Variants in AHR observed in about 807,000 individuals in gnomAD.
The protein encoded by AHR is AH-receptor.
Under a neutral mutation model 86.8 loss-of-function variants are expected in AHR, and 40 were observed. The observed-to-expected ratio is 0.46, with a 90% CI of 0.36 to 0.60. The LOEUF is 0.60. AHR is among the 20% of genes least tolerant of loss of function. The pLI is 0.00. For missense variants in AHR, 1,001 were observed against 1,011.6 expected (o/e 0.99, Z 0.14); for synonymous variants, 398 against 354.9 (o/e 1.12, Z -1.37).
At chr7:17,325,433 A>G (rs576563204) in intron 3 of AHR, among the ~76,000 whole-genome samples, 5 of 152,340 alleles carry the variant, frequency 3.3e-5, no homozygotes, top group African/African-American at 9.6e-5. Flanking sequence ...AATCTTCCCT[A>G]GAAGCAGATA....
At chr7:17,325,833 A>G (rs1050311119) in intron 3 of AHR, among the ~76,000 whole-genome samples, 4 of 152,196 alleles carry the variant, frequency 2.6e-5, no homozygotes, top group Non-Finnish European at 5.9e-5. Flanking sequence ...ATCAGGAAAA[A>G]TAACTGATAA....
At chr7:17,311,593 T>G (rs1782064871) in intron 2 of AHR, among the ~76,000 whole-genome samples, 1 of 152,200 alleles carries the variant, frequency 6.6e-6, no homozygotes, top group Admixed American at 6.5e-5. Context: ...CTATTTAGTT[T>G]AACAGTTGTG....
chr7:17,340,454 C>G (rs550821459), intron 10 of AHR, among the ~76,000 whole-genome samples: 8 of 151,474 alleles, frequency 5.3e-5, no homozygotes, highest in African/African-American at 1.9e-4. Flanking sequence ...AGAAAGATAT[C>G]AAGGAATGAA....
chr7:17,324,483 A>G (rs1782206890), intron 3 of AHR, among the ~76,000 whole-genome samples: 1 of 152,204 alleles, frequency 6.6e-6, no homozygotes, highest in African/African-American at 2.4e-5. Context: ...TGCTTAACAA[A>G]GGCATATGAA....
intron 1 of AHR, among the ~76,000 whole-genome samples, chr7:17,299,888 G>A (rs1781937278): frequency 6.6e-6 from 1 of 152,212 alleles, no homozygotes; most frequent in Non-Finnish European, 1.5e-5. Flanking sequence ...CAGCAATTTT[G>A]TAGCGCTCAT....
rs1330884879 is a variant in AHR at position 17,298,941 on chromosome 7, C to T, written c.-324C>T. On this transcript the variant is annotated 5_prime_UTR_variant, in exon 1 of 11. Transcript: ENST00000242057. ...GGCCCAGGCTCCTCCTCCGCCCGGGCCGCCTCACCTGCGGGCATTGCCGCG... is the reference window on the plus strand; with the variant it reads ...GGCCCAGGCTCCTCCTCCGCCCGGGTCGCCTCACCTGCGGGCATTGCCGCG... The T allele has an allele frequency of 1.4e-5, 6 of 434,434 alleles. No homozygotes were observed. Among genetic ancestry groups the T allele is most frequent in the Non-Finnish European group, 2.4e-5 (6 of 249,334 alleles). The allele number at this position is 434,434 out of a possible 1,614,324, so 26.9% of individuals were successfully genotyped here. A position where few individuals can be genotyped will look rare whatever the true frequency, so the allele number is the denominator to read the frequency against.
chr7:17,313,597 A>C (rs112667593), intron 2 of AHR, among the ~76,000 whole-genome samples: 6 of 152,316 alleles, frequency 3.9e-5, no homozygotes, highest in African/African-American at 1.2e-4. Flanking sequence ...AAGCAACACT[A>C]TAAAGTTTTA....
intron 9 of AHR, among the ~76,000 whole-genome samples, chr7:17,338,417 ACAAATGTGGCT>A (rs1327779546): frequency 1.6e-4 from 25 of 152,260 alleles, no homozygotes; most frequent in Middle Eastern, 3.4e-3. Context: ...ATGCAGTGGC[ACAAATGTGGCT>A]CACTGAAGCC....
Position 17,327,823 on chromosome 7 carries a change from T to A in AHR, c.425T>A (p.Ile142Lys). 1 of 1,549,824 alleles carries A rather than the reference T, an allele frequency of 6.5e-7. No individual in the cohort carries two copies. The highest frequency in any genetic ancestry group is 8.8e-7 in the Non-Finnish European group (1 of 1,138,576). ...DALVFYASST[I>K]QDYLGFQQSD... ...TTGGTCTTTTATGCTTCTTCTACTA[T>A]ACAAGATTATCTAGGGTTTCAGCAG... is the stretch of plus-strand genomic sequence containing the variant. The change falls in exon 4 of 11, where the codon ATA becomes AAA. Residue 142 changes from isoleucine (I) to lysine (K), a missense_variant. Physicochemically the swap from Ile to Lys is moderately radical, Grantham distance 102. Transcript: ENST00000242057.
At chr7:17,325,744 G>A (rs1782222034) in intron 3 of AHR, among the ~76,000 whole-genome samples, 1 of 152,162 alleles carries the variant, frequency 6.6e-6, no homozygotes, top group Non-Finnish European at 1.5e-5. Context: ...GCTAAATGAT[G>A]AGAACACATG....
chr7:17,342,086 C>G (rs567344355), intron 10 of AHR, among the ~76,000 whole-genome samples: 1 of 152,230 alleles, frequency 6.6e-6, no homozygotes, highest in East Asian at 1.9e-4. Context: ...ATTTTGATTA[C>G]TGAAGCCAGT....
rs1315626953 is a variant in AHR, at chr7:17,298,958, A to G, written c.-307A>G. The G allele has an allele frequency of 4.5e-6, 2 of 440,470 alleles. No homozygotes were observed. Among genetic ancestry groups the G allele is most frequent in the East Asian group, 7.1e-5 (2 of 28,150 alleles). 27.3% of individuals were successfully genotyped at this position (440,470 alleles called of 1,614,324 possible). A position where few individuals can be genotyped will look rare whatever the true frequency, so the allele number is the denominator to read the frequency against. On this transcript the variant is annotated 5_prime_UTR_variant, in exon 1 of 11. Transcript: ENST00000242057. ...CGCCCGGGCCGCCTCACCTGCGGGCATTGCCGCGCCGCCTCCGCCGGTGTA... is the reference window on the plus strand; with the variant it reads ...CGCCCGGGCCGCCTCACCTGCGGGCGTTGCCGCGCCGCCTCCGCCGGTGTA...
In AHR at chr7:17,340,098, T is replaced by C; in HGVS notation, c.2273T>C (p.Ile758Thr). Residue 758 changes from isoleucine to threonine, a missense_variant, in exon 10 of 11, where the codon ATA (isoleucine) becomes ACA (threonine). Physicochemically the swap from Ile to Thr is moderately conservative, Grantham distance 89 (BLOSUM62 -1). Transcript: ENST00000242057. ...QKHGLNPQSA[I>T]ITPQTCYAGA... ...CATGGATTAAATCCACAGTCAGCCA[T>C]AATAACTCCTCAGACATGTTATGCT... 1 of 1,614,192 alleles carries C rather than the reference T, an allele frequency of 6.2e-7. No homozygotes were observed. The highest frequency in any genetic ancestry group is 8.5e-7 in the Non-Finnish European group (1 of 1,180,016).
At chr7:17,308,623 G>A (rs1584030208) in intron 1 of AHR, among the ~76,000 whole-genome samples, 1 of 151,828 alleles carries the variant, frequency 6.6e-6, no homozygotes, top group African/African-American at 2.4e-5. Context: ...AAAATAGCTA[G>A]GGGAACCATC....
In AHR at chr7:17,310,333, T is replaced by A. The variant is rs1044667473; in HGVS notation, c.253+210T>A. ...CCAACAGATGCAGCCACTGAAATGA[T>A]GCATGGTATCATTCTTTGAAAATCA... On this transcript the variant is annotated intron_variant, in intron 2 of 10. Transcript: ENST00000242057. Among the ~76,000 whole-genome samples, 4 of 152,186 alleles carry A rather than the reference T, an allele frequency of 2.6e-5. No homozygotes were observed. In the East Asian group the frequency reaches 7.7e-4, roughly 29 times the overall value.
At chr7:17,329,415 C>A (rs1230210039) in intron 4 of AHR, among the ~76,000 whole-genome samples, 1 of 151,812 alleles carries the variant, frequency 6.6e-6, no homozygotes, top group Non-Finnish European at 1.5e-5. Flanking sequence ...AAGGACTCAG[C>A]ACCGTAGTAA....
intron 6 of AHR, 75 bp from the exon 7 acceptor site, chr7:17,333,837 A>G (rs561344037): frequency 8.2e-7 from 1 of 1,216,396 alleles, no homozygotes; most frequent in South Asian, 1.3e-5. Context: ...GGCAGCCATA[A>G]TGGAGCCTTT....
At chr7:17,305,180 C>T (rs1781993054) in intron 1 of AHR, among the ~76,000 whole-genome samples, 1 of 152,114 alleles carries the variant, frequency 6.6e-6, no homozygotes, top group Non-Finnish European at 1.5e-5. Context: ...CCAGAATTCT[C>T]AGAAGTTTTT....
At position 17,298,658 on chromosome 7, in the gene AHR, T is replaced by C. The variant is rs1330950121; in HGVS notation, c.-607T>C. On this transcript the variant is annotated 5_prime_UTR_variant, in exon 1 of 11. Transcript: ENST00000242057. Reference sequence around the variant, plus strand: ...GCGCGCGGCGGCGGGAGGCAGTGGCTGGGGAGTCCCGTCGACGCTCTGTTC... The same window carrying C: ...GCGCGCGGCGGCGGGAGGCAGTGGCCGGGGAGTCCCGTCGACGCTCTGTTC... 1 of 392,892 alleles carries C rather than the reference T, an allele frequency of 2.5e-6. No homozygotes were observed. Among genetic ancestry groups the C allele is most frequent in the Non-Finnish European group, 4.5e-6 (1 of 223,204 alleles). The allele number at this position is 392,892 out of a possible 1,614,324, so 24.3% of individuals were successfully genotyped here.
Sources: gnomAD v4.1 joint callset for allele counts (sites outside exome capture counted in the v4.1 genomes callset) on GRCh38, gnomAD v4.1.1 for gene constraint, MANE v1.5 for transcripts, NCBI Gene and HGNC (gene_info 2026-07-23, HGNC 2026-07-21) for gene names.